The following COL6A5 variants were observed in gnomAD, a reference collection of about 807,000 sequenced individuals.
The protein encoded by COL6A5 is collagen type VI alpha 5 chain, also known as collagen alpha-5(VI) chain.
COL6A5 carries 48 observed loss-of-function variants against 65.6 expected under a neutral mutation model. The ratio of observed to expected loss-of-function variants is 0.73; its 90% confidence interval spans 0.58 to 0.93. The LOEUF is 0.93. COL6A5 is among the 40% of genes least tolerant of loss of function. The probability of loss-of-function intolerance (pLI) is 0.00; values close to 1 mark genes in which losing one functional copy is unlikely to be tolerated. For missense variants in COL6A5, 914 were observed against 928.3 expected, an observed-to-expected ratio of 0.98 and a Z score of 0.20; for synonymous variants, 291 against 322.8, an observed-to-expected ratio of 0.90 and a Z score of 1.05.
chr3:130,469,362 A>C, exon 6 of COL6A5: 1 of 1,612,918 alleles, frequency 6.2e-7, no homozygotes, highest in Non-Finnish European at 8.5e-7. Context: ...AATGACAAAG[A>C]ATTAGAAGAA....
chr3:130,437,980 T>C (rs779337171), intron 1 of COL6A5, among the ~76,000 whole-genome samples: 1 of 151,572 alleles, frequency 6.6e-6, no homozygotes, highest in Non-Finnish European at 1.5e-5. Flanking sequence ...GATAGAGGGG[T>C]TTTTTTTGTT....
chr3:130,436,130 A>G (rs1391051), intron 1 of COL6A5, among the ~76,000 whole-genome samples: 12,666 of 152,060 alleles, frequency 0.083, 1,135 homozygotes, highest in East Asian at 0.32. Context: ...TTTTCTCTGT[A>G]GAGTATATCT....
At chr3:130,476,826 G>A (rs746861913) in intron 7 of COL6A5, 61 of 640,856 alleles carry the variant, frequency 9.5e-5, no homozygotes, top group Non-Finnish European at 1.6e-4. Context: ...TTTTTCTGTT[G>A]TAATGATATT....
At chr3:130,406,093 C>A (rs1340804448) in intron 15 of COL6A5, 38 bp from the exon 16 acceptor site, 1 of 1,547,132 alleles carries the variant, frequency 6.5e-7, no homozygotes, top group African/African-American at 1.4e-5. Flanking sequence ...TGGCAGAGAC[C>A]TGCTTTTACC....
In COL6A5 at chr3:130,405,735, C is replaced by T. The variant is rs541988930; in HGVS notation, c.4353+76C>T. On this transcript the variant is annotated intron_variant and NMD_transcript_variant, in intron 14 of 41. Transcript: ENST00000312481. The stretch of plus-strand genomic sequence containing the variant: ...CTCTCTTTCCCCATTCCTTTCCTCC[C>T]TCATTTTCTCTCTTCCATCACTCCT... 113 of 1,188,788 alleles carry T rather than the reference C, an allele frequency of 9.5e-5. 1 individual carries two copies. In the South Asian group the frequency reaches 1.5e-3, roughly 16 times the overall value. 73.6% of individuals were successfully genotyped at this position (1,188,788 alleles called of 1,614,324 possible). A position where few individuals can be genotyped will look rare whatever the true frequency, so the allele number is the denominator to read the frequency against.
At chr3:130,365,270 T>TGTTTC (rs930176660) in intron 1 of COL6A5, among the ~76,000 whole-genome samples, 2 of 143,456 alleles carry the variant, frequency 1.4e-5, no homozygotes, top group Non-Finnish European at 3.0e-5. Context: ...TCCTTTAAGA[T>TGTTTC]GTTTTGTTTT....
exon 7 of COL6A5, chr3:130,391,560 A>G: frequency 6.4e-7 from 1 of 1,551,706 alleles, no homozygotes; most frequent in Non-Finnish European, 8.7e-7. Context: ...GACCATGATC[A>G]GCTCAATGAC....
chr3:130,426,600 C>T (rs145544184), upstream of COL6A5, among the ~76,000 whole-genome samples: 6 of 152,142 alleles, frequency 3.9e-5, no homozygotes, highest in East Asian at 9.6e-4. Flanking sequence ...AAAGTGCCTT[C>T]GCTCATGAGG....
At chr3:130,419,834 T>G (rs1485085612) in intron 25 of COL6A5, among the ~76,000 whole-genome samples, 1 of 152,130 alleles carries the variant, frequency 6.6e-6, no homozygotes, top group Non-Finnish European at 1.5e-5. Context: ...AGAGATCTAT[T>G]GTATATCATG....
intron 1 of COL6A5, among the ~76,000 whole-genome samples, chr3:130,365,426 C>T (rs1211565408): frequency 3.3e-5 from 5 of 152,136 alleles, no homozygotes; most frequent in Admixed American, 1.3e-4. Context: ...TACAGGCGCC[C>T]GCTACTACGC....
intron 3 of COL6A5, among the ~76,000 whole-genome samples, chr3:130,441,279 G>C (rs1709175048): frequency 6.6e-6 from 1 of 152,086 alleles, no homozygotes; most frequent in Non-Finnish European, 1.5e-5. Context: ...TAAAATGCAG[G>C]ATATTCTTAC....
intron 1 of COL6A5, among the ~76,000 whole-genome samples, chr3:130,363,873 T>C (rs994346586): frequency 1.2e-4 from 19 of 152,200 alleles, no homozygotes; most frequent in African/African-American, 2.4e-5. Flanking sequence ...TTTCAGCTCA[T>C]GAGTTTCTGC....
At chr3:130,400,062 C>G (rs1195097817) in intron 10 of COL6A5, among the ~76,000 whole-genome samples, 1 of 152,152 alleles carries the variant, frequency 6.6e-6, no homozygotes, top group African/African-American at 2.4e-5. Flanking sequence ...TGTGCCTGGT[C>G]CCCATGTACT....
chr3:130,421,016 G>T, intron 25 of COL6A5, 137 bp from the exon 26 acceptor site: 1 of 703,328 alleles, frequency 1.4e-6, no homozygotes. Context: ...AATGTTCCCA[G>T]GGTTCAAGGT....
rs190767404 is a variant in COL6A5, at chr3:130,423,986, C to T, written c.5163+86C>T. On this transcript the variant is annotated intron_variant and NMD_transcript_variant, in intron 29 of 41. Coordinates refer to the COL6A5 transcript ENST00000312481. ...GGCACAGAATTTAAAGTCAAATGCA[C>T]TGGATTTAAGTCCAGATTCTGCTTT... The T allele has an allele frequency of 2.9e-4, 304 of 1,043,184 alleles. 2 individuals are homozygous for T. The African/African-American group carries it at 4.4e-3, about 15-fold the overall frequency. 64.6% of individuals were successfully genotyped at this position (1,043,184 alleles called of 1,614,324 possible).
intron 8 of COL6A5, among the ~76,000 whole-genome samples, chr3:130,397,089 G>A (rs193284052): frequency 0.01 from 1,563 of 152,096 alleles, 37 homozygotes; most frequent in African/African-American, 0.036. Context: ...GGATGGTCTC[G>A]ATCTCCTGAC....
Position 130,391,628 on chromosome 3 carries a change from G to C in COL6A5, c.2866G>C (p.Ala956Pro), listed in dbSNP as rs1298841226. Residue 956 changes from alanine (A) to proline (P), a missense_variant and NMD_transcript_variant, in exon 7 of 42, where the codon GCC (alanine) becomes CCC (proline). Coordinates refer to the COL6A5 transcript ENST00000312481. ...CATCTTTGCAGTGGGTGTAGGAAAG[G>C]CCAACCAAAAGGAACTTGAGGGTAT... 4 of 1,551,536 alleles carry C rather than the reference G, an allele frequency of 2.6e-6. No individual in the cohort carries two copies. In the African/African-American group the frequency reaches 5.5e-5, roughly 21 times the overall value.
chr3:130,358,120 C>T (rs182045327), intron 1 of COL6A5, among the ~76,000 whole-genome samples: 2,354 of 151,868 alleles, frequency 0.016, 66 homozygotes, highest in African/African-American at 0.053. Context: ...ACCTGGGAGG[C>T]GGAGCTTGCA....
chr3:130,458,581 A>C (rs1709629799), intron 5 of COL6A5, among the ~76,000 whole-genome samples: 1 of 152,144 alleles, frequency 6.6e-6, no homozygotes, highest in Non-Finnish European at 1.5e-5. Context: ...GGGCCACTGC[A>C]TGTTTGACCA....
Sources: allele counts gnomAD v4.1 joint callset (sites outside exome capture counted in the v4.1 genomes callset), GRCh38; gene constraint gnomAD v4.1.1; transcripts MANE v1.5; gene names NCBI Gene and HGNC (gene_info 2026-07-23, HGNC 2026-07-21).